The following ALG10B variants were observed in gnomAD, a reference collection of about 807,000 sequenced individuals.
The protein encoded by ALG10B is dol-P-Glc:Glc(2)Man(9)GlcNAc(2)-PP-Dol alpha-1,2-glucosyltransferase B.
A neutral mutation model predicts 38.7 loss-of-function variants in ALG10B; 27 were observed. That is an observed-to-expected ratio of 0.70 (90% CI 0.51 to 0.96). The LOEUF is 0.96. Among genes scored for constraint, ALG10B ranks in the 40% least tolerant of loss-of-function variants. ALG10B has a pLI of 0.00. For synonymous variants in ALG10B, 177 were observed against 193.3 expected (o/e 0.92, Z 0.70); for missense variants, 522 against 542.7 (o/e 0.96, Z 0.38).
Position 38,317,029 on chromosome 12 carries a change from C to A in ALG10B, c.136C>A (p.Gln46Lys). The change falls in exon 1 of 3, where the codon CAG becomes AAG. Residue 46 changes from glutamine (Q) to lysine (K), a missense_variant. Gln to Lys is a moderately conservative substitution (Grantham distance 53). Transcript: ENST00000308742. ...CGAGATCTTCCACCTGCCTCAGGCG[C>A]AGCGCTACTGTGAGGGCCATTTCTC... Reference protein sequence around the residue: ...MDEIFHLPQAQRYCEGHFSLS... With the variant: ...MDEIFHLPQAKRYCEGHFSLS... 1 of 1,614,190 alleles carries A rather than the reference C, an allele frequency of 6.2e-7. No homozygotes were observed. Among genetic ancestry groups the A allele is most frequent in the Non-Finnish European group, 8.5e-7 (1 of 1,180,040 alleles).
chr12:38,317,165 C>G, intron 1 of ALG10B, 101 bp downstream of exon 1: 1 of 1,533,042 alleles, frequency 6.5e-7, no homozygotes, highest in Non-Finnish European at 8.9e-7. Flanking sequence ...CCTTTCCACC[C>G]CACCCCAGCC....
In ALG10B at chr12:38,320,731, A is replaced by G. The variant is rs780090598; in HGVS notation, c.940A>G (p.Thr314Ala). The G allele has an allele frequency of 8.1e-6, 13 of 1,613,368 alleles. No homozygotes were observed. The highest frequency in any genetic ancestry group is 1.1e-5 in the South Asian group (1 of 90,942). The change falls in exon 3 of 3, where the codon ACT becomes GCT. Residue 314 changes from threonine (T) to alanine (A), a missense_variant. By Grantham distance (58) the Thr-to-Ala change is moderately conservative. Transcript: ENST00000308742. ...TCTCCTGTCTCCTAGCAAAATTAAG[A>G]CTTTTCTTTCCTTAGTTTGGAAACA... ...PHLLSPSKIK[T>A]FLSLVWKHGI...
rs917014724 is a variant in ALG10B, at chr12:38,322,772, C to G, written c.*1559C>G. The G allele has an allele frequency of 6.6e-6, 1 of 152,178 alleles. No individual in the cohort carries two copies. Among genetic ancestry groups the G allele is most frequent in the African/African-American group, 2.4e-5 (1 of 41,444 alleles). 9.4% of individuals were successfully genotyped at this position (152,178 alleles called of 1,614,324 possible). On this transcript the variant is annotated 3_prime_UTR_variant, in exon 3 of 3. Coordinates refer to ENST00000308742, the MANE Select transcript of ALG10B (RefSeq NM_001013620.4). ...TTTGATTGTCATCTCCCTATTCCCACATCCCCGGCCTCTAGCAACCATCAT... is the reference window on the plus strand; with the variant it reads ...TTTGATTGTCATCTCCCTATTCCCAGATCCCCGGCCTCTAGCAACCATCAT...
At position 38,327,548 on chromosome 12, in the gene ALG10B, C is replaced by T. The variant is rs1268498054; in HGVS notation, c.*6335C>T. On this transcript the variant is annotated 3_prime_UTR_variant, in exon 3 of 3. Coordinates refer to ENST00000308742, the MANE Select transcript of ALG10B (RefSeq NM_001013620.4). ...AGGTCGGTCAGGTCAGGTGATTTGCCCAAAGTCCACACTGTCACTAAATGA... is the reference window on the plus strand; with the variant it reads ...AGGTCGGTCAGGTCAGGTGATTTGCTCAAAGTCCACACTGTCACTAAATGA... 1.3e-5 allele frequency: 2 copies of T among 152,142 alleles called. No homozygotes were observed. The highest frequency in any genetic ancestry group is 2.9e-5 in the Non-Finnish European group (2 of 68,016). 9.4% of individuals were successfully genotyped at this position (152,142 alleles called of 1,614,324 possible). A position where few individuals can be genotyped will look rare whatever the true frequency, so the allele number is the denominator to read the frequency against.
chr12:38,317,026 G>A lies in ALG10B; in HGVS notation c.133G>A (p.Ala45Thr), dbSNP rs1472705859. The A allele has an allele frequency of 4.3e-6, 7 of 1,614,028 alleles. No homozygotes were observed. The highest frequency in any genetic ancestry group is 1.3e-5 in the African/African-American group (1 of 74,912). Residue 45 changes from alanine (A) to threonine (T), a missense_variant, in exon 1 of 3, where the codon GCG (alanine) becomes ACG (threonine). Physicochemically the swap from Ala to Thr is moderately conservative, Grantham distance 58 (BLOSUM62 0). Transcript: ENST00000308742. Reference sequence around the variant, plus strand: ...GGACGAGATCTTCCACCTGCCTCAGGCGCAGCGCTACTGTGAGGGCCATTT... The same window carrying A: ...GGACGAGATCTTCCACCTGCCTCAGACGCAGCGCTACTGTGAGGGCCATTT... ...YMDEIFHLPQ[A>T]QRYCEGHFSL...
chr12:38,319,317 A>T (rs1363061458), intron 2 of ALG10B, among the ~76,000 whole-genome samples: 1 of 152,150 alleles, frequency 6.6e-6, no homozygotes, highest in Non-Finnish European at 1.5e-5. Context: ...GCATAAGCAA[A>T]GGAAGAAAGG....
chr12:38,318,542 A>G (rs1423969947), intron 2 of ALG10B, 84 bp downstream of exon 2: 8 of 1,406,434 alleles, frequency 5.7e-6, no homozygotes, highest in African/African-American at 4.3e-5. Flanking sequence ...ATTTGGTGAA[A>G]AATGTCTTTA....
chr12:38,324,695 A>C lies in ALG10B; in HGVS notation c.*3482A>C, dbSNP rs920201009. 2 of 152,248 alleles carry C rather than the reference A, an allele frequency of 1.3e-5. No homozygotes were observed. Among genetic ancestry groups the C allele is most frequent in the African/African-American group, 4.8e-5 (2 of 41,464 alleles). The allele number at this position is 152,248 out of a possible 1,614,324, so 9.4% of individuals were successfully genotyped here. ...TGCCTTTAGTCGTTCAAGAAATGATACTAAACTCAAAGTCATTCACTTGAA... is the reference window on the plus strand; with the variant it reads ...TGCCTTTAGTCGTTCAAGAAATGATCCTAAACTCAAAGTCATTCACTTGAA... On this transcript the variant is annotated 3_prime_UTR_variant, in exon 3 of 3. Coordinates refer to ENST00000308742, the MANE Select transcript of ALG10B (RefSeq NM_001013620.4).
At position 38,320,985 on chromosome 12, in the gene ALG10B, G is replaced by T. The variant is rs1555156033; in HGVS notation, c.1194G>T (p.Met398Ile). ...LKSKPIFWNLMFFICLFIVIV... is the reference protein window; with the variant it reads ...LKSKPIFWNLIFFICLFIVIV... ...CAAAGCCAATTTTTTGGAATTTAATGTTTTTCATATGCTTGTTCATTGTTA... is the reference window on the plus strand; with the variant it reads ...CAAAGCCAATTTTTTGGAATTTAATTTTTTTCATATGCTTGTTCATTGTTA... Residue 398 changes from methionine (M) to isoleucine (I), a missense_variant, in exon 3 of 3, where the codon ATG becomes ATT. Transcript: ENST00000308742. The T allele has an allele frequency of 9.3e-6, 15 of 1,613,370 alleles. No individual in the cohort carries two copies. Among genetic ancestry groups the T allele is most frequent in the Admixed American group, 1.7e-5 (1 of 59,896 alleles).
intron 1 of ALG10B, 76 bp from the exon 2 acceptor site, chr12:38,318,185 A>G: frequency 1.3e-6 from 2 of 1,559,234 alleles, no homozygotes. Context: ...TGGAGATGAG[A>G]CTTGGGCTTG....
chr12:38,328,057 A>G lies in ALG10B; in HGVS notation c.*6844A>G, dbSNP rs1400968226. The stretch of plus-strand genomic sequence containing the variant: ...AGCCCAGAAAAAAAGTAAGATTCTC[A>G]TTCATTGGAGATAAGATTTCTATTT... On this transcript the variant is annotated 3_prime_UTR_variant, in exon 3 of 3. Coordinates refer to ENST00000308742, the MANE Select transcript of ALG10B (RefSeq NM_001013620.4). 1.3e-5 allele frequency: 2 copies of G among 152,016 alleles called. No homozygotes were observed. Among genetic ancestry groups the G allele is most frequent in the Non-Finnish European group, 2.9e-5 (2 of 68,006 alleles). The allele number at this position is 152,016 out of a possible 1,614,324, so 9.4% of individuals were successfully genotyped here. A position where few individuals can be genotyped will look rare whatever the true frequency, so the allele number is the denominator to read the frequency against.
At chr12:38,319,445 ACTTTAGCATGTAATGGAGAGAC>A (rs1213171054) in intron 2 of ALG10B, among the ~76,000 whole-genome samples, 3 of 152,200 alleles carry the variant, frequency 2.0e-5, no homozygotes, top group Non-Finnish European at 4.4e-5. Context: ...AGGACTTTGA[ACTTTAGCATGTAATGGAGAGAC>A]CTTAATTTTA....
intron 2 of ALG10B, 74 bp from the exon 3 acceptor site, chr12:38,320,087 A>G (rs1945687519): frequency 5.1e-6 from 8 of 1,571,334 alleles, no homozygotes; most frequent in Non-Finnish European, 8.7e-7. Context: ...GTTTTAAATA[A>G]ATCTCTTCAT....
chr12:38,325,638 TTGAAATA>T lies in ALG10B; in HGVS notation c.*4429_*4435del, dbSNP rs1945737754. The T allele has an allele frequency of 6.6e-6, 1 of 152,170 alleles. No homozygotes were observed. Among genetic ancestry groups the T allele is most frequent in the Non-Finnish European group, 1.5e-5 (1 of 68,018 alleles). The allele number at this position is 152,170 out of a possible 1,614,324, so 9.4% of individuals were successfully genotyped here. A position where few individuals can be genotyped will look rare whatever the true frequency, so the allele number is the denominator to read the frequency against. On this transcript the variant is annotated 3_prime_UTR_variant, in exon 3 of 3. Transcript: ENST00000308742. ...AAATTTGAAAATTTTTAAATGGAAA[TTGAAATA>T]TGACTTAGGAACTGTGGGCTTGTAG...
chr12:38,320,522 T>C lies in ALG10B; in HGVS notation c.731T>C (p.Phe244Ser), dbSNP rs761859333. ...TTTCTTTTGGCTTATTCCATGTCCT[T>C]TAAAAACTTGAGTATGCTTTTCTGT... Reference protein sequence around the residue: ...LQFLLAYSMSFKNLSMLFCLT... With the variant: ...LQFLLAYSMSSKNLSMLFCLT... Residue 244 changes from phenylalanine to serine, a missense_variant, in exon 3 of 3, where the codon TTT becomes TCT. Coordinates refer to ENST00000308742, the MANE Select transcript of ALG10B (RefSeq NM_001013620.4). 19 of 1,614,112 alleles carry C rather than the reference T, an allele frequency of 1.2e-5. No individual in the cohort carries two copies. The South Asian group carries it at 2.1e-4, about 18-fold the overall frequency.
Position 38,327,996 on chromosome 12 carries a change from C to G in ALG10B, c.*6783C>G, listed in dbSNP as rs147862686. On this transcript the variant is annotated 3_prime_UTR_variant, in exon 3 of 3. Coordinates refer to ENST00000308742, the MANE Select transcript of ALG10B (RefSeq NM_001013620.4). ...CAATTAGATTGCAAATCATGAAAAG[C>G]ATAACTTCTAATTGTTTAGTCTTTT... 6.6e-6 allele frequency: 1 copy of G among 152,250 alleles called. No homozygotes were observed. The highest frequency in any genetic ancestry group is 1.5e-5 in the Non-Finnish European group (1 of 67,998). The allele number at this position is 152,250 out of a possible 1,614,324, so 9.4% of individuals were successfully genotyped here. A position where few individuals can be genotyped will look rare whatever the true frequency, so the allele number is the denominator to read the frequency against.
chr12:38,318,448 C>A lies in ALG10B; in HGVS notation c.359C>A (p.Pro120His). ...TATTTGCTTTTCCACAAGGTACAAC[C>A]CAGAAACAAGGTATGTTTCAAAATA... ...LLYLLFHKVQPRNKAASSIQR... is the reference protein window; with the variant it reads ...LLYLLFHKVQHRNKAASSIQR... Residue 120 changes from proline to histidine, a missense_variant, in exon 2 of 3, where the codon CCC (proline) becomes CAC (histidine). Pro to His is a moderately conservative substitution (Grantham distance 77, BLOSUM62 -2). Coordinates refer to ENST00000308742, the MANE Select transcript of ALG10B (RefSeq NM_001013620.4). 6.2e-7 allele frequency: 1 copy of A among 1,613,942 alleles called. No homozygotes were observed. The highest frequency in any genetic ancestry group is 8.5e-7 in the Non-Finnish European group (1 of 1,179,938).
Position 38,326,729 on chromosome 12 carries a change from G to A in ALG10B, c.*5516G>A, listed in dbSNP as rs1348356461. On this transcript the variant is annotated 3_prime_UTR_variant, in exon 3 of 3. Transcript: ENST00000308742. ...TATAGGGCATTTTTATGTATTTAATGTTGACAACTGACGTTTCCAATATAC... is the reference window on the plus strand; with the variant it reads ...TATAGGGCATTTTTATGTATTTAATATTGACAACTGACGTTTCCAATATAC... 1 of 151,648 alleles carries A rather than the reference G, an allele frequency of 6.6e-6. No individual in the cohort carries two copies. Among genetic ancestry groups the A allele is most frequent in the Non-Finnish European group, 1.5e-5 (1 of 67,872 alleles). The allele number at this position is 151,648 out of a possible 1,614,324, so 9.4% of individuals were successfully genotyped here. A position where few individuals can be genotyped will look rare whatever the true frequency, so the allele number is the denominator to read the frequency against.
intron 2 of ALG10B, among the ~76,000 whole-genome samples, chr12:38,318,992 G>T (rs1012000146): frequency 6.6e-6 from 1 of 152,078 alleles, no homozygotes; most frequent in South Asian, 2.1e-4. Flanking sequence ...CTGTTATAAA[G>T]GAACAAGGAA....
Sources: allele counts gnomAD v4.1 joint callset (sites outside exome capture counted in the v4.1 genomes callset), GRCh38; gene constraint gnomAD v4.1.1; transcripts MANE v1.5; gene names NCBI Gene and HGNC (gene_info 2026-07-23, HGNC 2026-07-21).